Variants in DPYD observed in about 807,000 individuals in gnomAD.
The protein encoded by DPYD is dihydropyrimidine dehydrogenase [NADP(+)].
DPYD carries 109 observed loss-of-function variants against 116.2 expected under a neutral mutation model. The observed-to-expected ratio is 0.94, with a 90% CI of 0.80 to 1.10. The LOEUF (loss-of-function observed/expected upper bound fraction) is 1.10. Among genes scored for constraint, DPYD ranks in the 50% least tolerant of loss-of-function variants. The pLI, the probability that DPYD is intolerant of heterozygous loss-of-function variation, is 0.00. For synonymous variants in DPYD, 440 were observed against 432.0 expected, an observed-to-expected ratio of 1.02 and a Z score of -0.23; for missense variants, 1,302 against 1,254.5, an observed-to-expected ratio of 1.04 and a Z score of -0.57.
chr1:97,521,633 G>A (rs1648673162), intron 12 of DPYD, among the ~76,000 whole-genome samples: 1 of 152,104 alleles, frequency 6.6e-6, no homozygotes, highest in Non-Finnish European at 1.5e-5. Flanking sequence ...AAAGCTGGAG[G>A]CATCACTCTA....
At chr1:97,320,034 G>T (rs1341683680) in intron 16 of DPYD, among the ~76,000 whole-genome samples, 40 of 140,520 alleles carry the variant, frequency 2.8e-4, no homozygotes, top group African/African-American at 1.0e-3. Flanking sequence ...ATTCAACAAT[G>T]CTTCATGCTA....
At chr1:97,148,688 T>G (rs556340491) in intron 20 of DPYD, among the ~76,000 whole-genome samples, 21 of 152,304 alleles carry the variant, frequency 1.4e-4, no homozygotes, top group Admixed American at 9.8e-4. Context: ...TAGTTTTAAT[T>G]AAAATGAAAT....
At chr1:97,106,370 A>G (rs1157210245) in intron 20 of DPYD, among the ~76,000 whole-genome samples, 1 of 152,168 alleles carries the variant, frequency 6.6e-6, no homozygotes. Flanking sequence ...AGAAGCAGTT[A>G]GCATTTGGAT....
chr1:97,794,073 G>A (rs1667451849), intron 3 of DPYD, among the ~76,000 whole-genome samples: 1 of 152,116 alleles, frequency 6.6e-6, no homozygotes, highest in Non-Finnish European at 1.5e-5. Flanking sequence ...AAGTAGCTGG[G>A]ACTACAGGCA....
At chr1:97,316,350 A>T (rs1165080777) in intron 16 of DPYD, among the ~76,000 whole-genome samples, 6 of 150,388 alleles carry the variant, frequency 4.0e-5, no homozygotes, top group Admixed American at 4.0e-4. Context: ...AAGAAAAAAA[A>T]AAACAAAAAA....
chr1:97,323,722 A>G (rs962707295), intron 16 of DPYD, among the ~76,000 whole-genome samples: 1 of 147,374 alleles, frequency 6.8e-6, no homozygotes, highest in Non-Finnish European at 1.5e-5. Context: ...ACACACACAC[A>G]TATATATACA....
chr1:97,356,341 G>A (rs932869769), intron 16 of DPYD, among the ~76,000 whole-genome samples: 10 of 152,232 alleles, frequency 6.6e-5, no homozygotes, highest in Middle Eastern at 3.4e-3. Context: ...CCCCTTATCA[G>A]ATTTATGGCC....
chr1:97,331,772 T>G (rs1669021940), intron 16 of DPYD, among the ~76,000 whole-genome samples: 1 of 152,140 alleles, frequency 6.6e-6, no homozygotes. Context: ...AAGAATAGTG[T>G]TTTTGTTGTT....
rs4246515 is a variant in DPYD, at chr1:97,915,881, T to A, written c.39+5003A>T. Among the ~76,000 whole-genome samples the A allele has an allele frequency of 7.8e-4, 118 of 152,030 alleles. 2 individuals carry two copies. The East Asian group carries it at 0.014, about 18-fold the overall frequency. ...TTATATCAAATCTCATCAGATTTTC[T>A]TTGTCATGATATTTTACGACAATCT... On this transcript the variant is annotated intron_variant, in intron 1 of 22. Transcript: ENST00000370192.
chr1:97,918,199 C>G (rs1353961077), intron 1 of DPYD, among the ~76,000 whole-genome samples: 1 of 152,090 alleles, frequency 6.6e-6, no homozygotes, highest in African/African-American at 2.4e-5. Flanking sequence ...TTTCTGTTAT[C>G]TTTATTTTTT....
intron 3 of DPYD, among the ~76,000 whole-genome samples, chr1:97,766,407 A>G (rs748926319): frequency 2.0e-5 from 3 of 152,138 alleles, no homozygotes; most frequent in Non-Finnish European, 4.4e-5. Context: ...GAATCAAAAC[A>G]GCACTCACCC....
At chr1:97,231,023 A>T (rs1557957530) in intron 19 of DPYD, among the ~76,000 whole-genome samples, 1 of 152,120 alleles carries the variant, frequency 6.6e-6, no homozygotes, top group Non-Finnish European at 1.5e-5. Flanking sequence ...TTCACCATTC[A>T]TTTCTATGAG....
At chr1:97,721,343 T>C (rs1463363898) in intron 5 of DPYD, among the ~76,000 whole-genome samples, 167 bp downstream of exon 5, 1 of 151,786 alleles carries the variant, frequency 6.6e-6, no homozygotes, top group Non-Finnish European at 1.5e-5. Flanking sequence ...TTCCTTTTTG[T>C]AGCTAAGCTG....
chr1:97,662,268 C>G (rs1417972726), intron 8 of DPYD, among the ~76,000 whole-genome samples: 3 of 151,722 alleles, frequency 2.0e-5, no homozygotes, highest in Non-Finnish European at 4.4e-5. Flanking sequence ...TCCCAAAATG[C>G]TGGGATTACA....
intron 13 of DPYD, among the ~76,000 whole-genome samples, chr1:97,482,772 A>T (rs1570808579): frequency 6.6e-6 from 1 of 151,364 alleles, no homozygotes; most frequent in Non-Finnish European, 1.5e-5. Flanking sequence ...ACCTCACCCC[A>T]CCTCTGCCTT....
intron 4 of DPYD, among the ~76,000 whole-genome samples, chr1:97,736,245 T>C (rs911510993): frequency 2.0e-5 from 3 of 152,102 alleles, no homozygotes; most frequent in South Asian, 2.1e-4. Flanking sequence ...AATAGTAGCA[T>C]TGTATGATAA....
chr1:97,724,983 G>GAA (rs1422857910), intron 4 of DPYD, among the ~76,000 whole-genome samples: 1 of 148,840 alleles, frequency 6.7e-6, no homozygotes, highest in Non-Finnish European at 1.5e-5. Flanking sequence ...GAGAGAGAGA[G>GAA]AGAAAGTTAT....
chr1:97,610,790 A>G (rs1308521826), intron 8 of DPYD, among the ~76,000 whole-genome samples: 1 of 151,980 alleles, frequency 6.6e-6, no homozygotes, highest in Non-Finnish European at 1.5e-5. Flanking sequence ...ATTTTTAAGC[A>G]ATTAAAGAAT....
At chr1:97,097,627 C>T (rs906342889) in intron 21 of DPYD, among the ~76,000 whole-genome samples, 7 of 152,052 alleles carry the variant, frequency 4.6e-5, no homozygotes, top group Non-Finnish European at 7.4e-5. Flanking sequence ...AAAAAGAAGG[C>T]GTGGTTACAA....
Sources: allele counts gnomAD v4.1 joint callset (sites outside exome capture counted in the v4.1 genomes callset), GRCh38; gene constraint gnomAD v4.1.1; transcripts MANE v1.5; gene names NCBI Gene and HGNC (gene_info 2026-07-23, HGNC 2026-07-21).